The following SMARCC1 variants were observed in gnomAD, a reference collection of about 807,000 sequenced individuals.
SMARCC1 encodes the protein SWI/SNF related BAF chromatin remodeling complex subunit C1.
A neutral mutation model predicts 147.4 loss-of-function variants in SMARCC1; 43 were observed. The ratio of observed to expected loss-of-function variants is 0.29; its 90% CI spans 0.23 to 0.38. The LOEUF (loss-of-function observed/expected upper bound fraction) is 0.38. Ranked by LOEUF, SMARCC1 falls within the 10% of genes least tolerant of loss-of-function variation. SMARCC1 has a pLI of 1.00. For synonymous variants in SMARCC1, 495 were observed against 484.4 expected, an observed-to-expected ratio of 1.02 and a Z score of -0.29; for missense variants, 1,119 against 1,381.1, an observed-to-expected ratio of 0.81 and a Z score of 3.01.
chr3:47,662,731 A>G, intron 19 of SMARCC1, 139 bp from the exon 20 acceptor site: 1 of 739,896 alleles, frequency 1.4e-6, no homozygotes, highest in South Asian at 1.9e-5. Context: ...TGGTTTCCTT[A>G]GATTATTTTC....
At chr3:47,619,044 A>AATATTTTTTATTTTTTATT (rs2032689321) in intron 25 of SMARCC1, among the ~76,000 whole-genome samples, 1 of 152,154 alleles carries the variant, frequency 6.6e-6, no homozygotes, top group Non-Finnish European at 1.5e-5. Flanking sequence ...AAAATGTCAA[A>AATATTTTTTATTTTTTATT]AGGGAAGCTT....
chr3:47,643,182 G>A (rs367595728), intron 21 of SMARCC1, among the ~76,000 whole-genome samples: 104 of 152,280 alleles, frequency 6.8e-4, no homozygotes, highest in Middle Eastern at 3.4e-3. Flanking sequence ...CTTCCTTCAC[G>A]GACAAATTCA....
chr3:47,752,008 CG>C (rs1266402981), intron 2 of SMARCC1, among the ~76,000 whole-genome samples: 1 of 151,960 alleles, frequency 6.6e-6, no homozygotes, highest in Admixed American at 6.6e-5. Context: ...CACTTGAACC[CG>C]GGAGGCAGAG....
At chr3:47,661,158 T>C (rs560155621) in intron 21 of SMARCC1, 136 bp downstream of exon 21, 3 of 626,476 alleles carry the variant, frequency 4.8e-6, no homozygotes, top group South Asian at 3.9e-5. Context: ...AAAAAAATCA[T>C]GTACTAATCT....
At chr3:47,660,532 G>T (rs181820764) in intron 21 of SMARCC1, among the ~76,000 whole-genome samples, 11 of 145,548 alleles carry the variant, frequency 7.6e-5, no homozygotes, top group Admixed American at 7.5e-4. Context: ...TCCACACAAA[G>T]AAATAATCAG....
intron 21 of SMARCC1, among the ~76,000 whole-genome samples, chr3:47,643,931 C>T (rs1041558946): frequency 6.6e-6 from 1 of 152,172 alleles, no homozygotes; most frequent in Non-Finnish European, 1.5e-5. Flanking sequence ...AAGCTCACGC[C>T]TATAATCTCA....
intron 7 of SMARCC1, among the ~76,000 whole-genome samples, chr3:47,716,198 T>C (rs746956334): frequency 6.6e-6 from 1 of 151,496 alleles, no homozygotes; most frequent in African/African-American, 2.4e-5. Flanking sequence ...GTGGACCACC[T>C]GAAGTATAAG....
chr3:47,745,290 T>C (rs2034552921), intron 3 of SMARCC1, among the ~76,000 whole-genome samples: 2 of 152,138 alleles, frequency 1.3e-5, no homozygotes, highest in Non-Finnish European at 2.9e-5. Flanking sequence ...AAATACTATC[T>C]ATCCACTTCA....
chr3:47,633,764 ATATATATATATATATACACACAC>A (rs2032927111), intron 24 of SMARCC1, among the ~76,000 whole-genome samples: 2 of 39,746 alleles, frequency 5.0e-5, no homozygotes, highest in Admixed American at 3.4e-4. Flanking sequence ...AAAAAAAAAA[ATATATATATATATATACACACAC>A]ACACACACAC....
At chr3:47,588,667 C>A (rs1363029076) in intron 27 of SMARCC1, among the ~76,000 whole-genome samples, 1 of 151,660 alleles carries the variant, frequency 6.6e-6, no homozygotes, top group Non-Finnish European at 1.5e-5. Context: ...AAATAAGCTC[C>A]TTCCTGGGAC....
intron 5 of SMARCC1, among the ~76,000 whole-genome samples, chr3:47,734,247 A>G (rs1553688528): frequency 6.6e-6 from 1 of 152,162 alleles, no homozygotes; most frequent in Non-Finnish European, 1.5e-5. Context: ...GATATTCCAA[A>G]AGAGAGATGT....
intron 21 of SMARCC1, among the ~76,000 whole-genome samples, chr3:47,655,332 G>A (rs1251131359): frequency 6.6e-6 from 1 of 152,188 alleles, no homozygotes; most frequent in Non-Finnish European, 1.5e-5. Context: ...CTGGGAGGCA[G>A]AGGTTGTGAT....
intron 21 of SMARCC1, among the ~76,000 whole-genome samples, chr3:47,657,177 A>G (rs1248708522): frequency 1.3e-5 from 2 of 152,240 alleles, no homozygotes; most frequent in African/African-American, 4.8e-5. Context: ...GGAGATTTCA[A>G]TACCCCACTT....
At chr3:47,742,308 C>T (rs1390634121) in intron 3 of SMARCC1, among the ~76,000 whole-genome samples, 1 of 151,706 alleles carries the variant, frequency 6.6e-6, no homozygotes, top group Non-Finnish European at 1.5e-5. Flanking sequence ...CTCTTTAGAA[C>T]TGTAGGAAAA....
intron 26 of SMARCC1, among the ~76,000 whole-genome samples, chr3:47,607,706 G>T (rs1486489153): frequency 6.6e-6 from 1 of 152,060 alleles, no homozygotes; most frequent in African/African-American, 2.4e-5. Context: ...GTAAACAATA[G>T]CCAACTCGAA....
Position 47,781,683 on chromosome 3 carries a change from C to A in SMARCC1, c.115G>T (p.Ala39Ser). 1 of 1,562,350 alleles carries A rather than the reference C, an allele frequency of 6.4e-7. No homozygotes were observed. The highest frequency in any genetic ancestry group is 8.6e-7 in the Non-Finnish European group (1 of 1,158,150). ...TCCGGGCTCTCCCAAAACTTGGTGG[C>A]CGGGCCCCCATCCTTCCGTCGATAA... is the stretch of plus-strand genomic sequence containing the variant. ...AVYRRKDGGP[A>S]TKFWESPETV... The change falls in exon 1 of 28, where the codon GCC (alanine) becomes TCC (serine). Residue 39 changes from alanine to serine, a missense_variant. Physicochemically the swap from Ala to Ser is moderately conservative, Grantham distance 99. Transcript: ENST00000254480.
chr3:47,688,558 C>A (rs1001693735), intron 13 of SMARCC1, among the ~76,000 whole-genome samples: 2 of 152,060 alleles, frequency 1.3e-5, no homozygotes, highest in Non-Finnish European at 2.9e-5. Flanking sequence ...GTAAACAAGA[C>A]GCCGTTTATT....
rs944654939 is a variant in SMARCC1, at chr3:47,682,165, G to A, written c.1386-1657C>T. ...AAAAAATTAGCCGGGCATGGTGTTG[G>A]GTGCCTGTAGTCCCAGCTACTCGGG... On this transcript the variant is annotated intron_variant, in intron 14 of 27. Transcript: ENST00000254480. Among the ~76,000 whole-genome samples, 14 of 151,752 alleles carry A rather than the reference G, an allele frequency of 9.2e-5. No homozygotes were observed. In the Middle Eastern group the frequency reaches 0.01, roughly 111 times the overall value.
intron 2 of SMARCC1, among the ~76,000 whole-genome samples, chr3:47,748,216 ACTTTTTTAT>A (rs2034588207): frequency 6.6e-6 from 1 of 152,108 alleles, no homozygotes. Context: ...CTTTTATTAT[ACTTTTTTAT>A]CTTTTTGAAA....
Sources: gnomAD v4.1 joint callset for allele counts (sites outside exome capture counted in the v4.1 genomes callset) on GRCh38, gnomAD v4.1.1 for gene constraint, MANE v1.5 for transcripts, NCBI Gene and HGNC (gene_info 2026-07-23, HGNC 2026-07-21) for gene names.